SLC35D4: variants seen among roughly 807,000 people sequenced by gnomAD.
SLC35D4 encodes the protein solute carrier family 35 member D4, also known as UDP-N-acetylglucosamine transporter SLC35D4.
the SLC35D4 span, chr18:23,296,935 G>A: frequency 6.6e-6 from 1 of 152,038 alleles, no homozygotes; most frequent in Non-Finnish European, 1.5e-5. Context: ...TTAGAGGCAG[G>A]AAATAAATAG....
At chr18:23,436,255 T>C in the SLC35D4 span, among the ~76,000 whole-genome samples, 1 of 151,864 alleles carries the variant, frequency 6.6e-6, no homozygotes, top group African/African-American at 2.4e-5. Context: ...TTCGAACTCC[T>C]GGCCTCAAAC....
the SLC35D4 span, among the ~76,000 whole-genome samples, chr18:23,387,100 C>T: frequency 1.3e-5 from 2 of 152,046 alleles, no homozygotes; most frequent in Non-Finnish European, 2.9e-5. Flanking sequence ...TTAGTAGAAT[C>T]GGGGTTTCAC....
At chr18:23,256,589 T>C in the SLC35D4 span, among the ~76,000 whole-genome samples, 1 of 152,128 alleles carries the variant, frequency 6.6e-6, no homozygotes, top group Non-Finnish European at 1.5e-5. Context: ...CAAGTGAGTC[T>C]CCTGCTTCAA....
chr18:23,391,584 C>T, the SLC35D4 span, among the ~76,000 whole-genome samples: 1 of 152,224 alleles, frequency 6.6e-6, no homozygotes, highest in Non-Finnish European at 1.5e-5. Flanking sequence ...AACTCCTGGG[C>T]TCAAGTGATC....
the SLC35D4 span, among the ~76,000 whole-genome samples, chr18:23,315,211 T>A: frequency 4.6e-5 from 7 of 152,126 alleles, no homozygotes; most frequent in Admixed American, 2.0e-4. Flanking sequence ...TTTAAAGGGG[T>A]TGCAATTTTT....
the SLC35D4 span, chr18:23,297,800 G>A: frequency 1.8e-6 from 1 of 554,752 alleles, no homozygotes; most frequent in South Asian, 2.0e-5. Context: ...CAGAAAGGGT[G>A]CTCCTTGAAG....
the SLC35D4 span, among the ~76,000 whole-genome samples, chr18:23,427,003 A>G: frequency 6.6e-6 from 1 of 152,240 alleles, no homozygotes; most frequent in African/African-American, 2.4e-5. Flanking sequence ...CTTACAACTT[A>G]TACAAAAATT....
the SLC35D4 span, among the ~76,000 whole-genome samples, chr18:23,370,531 TGAA>T: frequency 1.3e-5 from 2 of 152,202 alleles, no homozygotes; most frequent in Admixed American, 1.3e-4. Context: ...ATCATGATTA[TGAA>T]GGACACAATT....
the SLC35D4 span, among the ~76,000 whole-genome samples, chr18:23,250,346 G>A: frequency 6.6e-6 from 1 of 152,146 alleles, no homozygotes; most frequent in Non-Finnish European, 1.5e-5. Context: ...TGGATTGGGG[G>A]GTGAGGGGTT....
At chr18:23,394,681 C>T in the SLC35D4 span, among the ~76,000 whole-genome samples, 667 of 152,118 alleles carry the variant, frequency 4.4e-3, 1 homozygote, top group African/African-American at 0.015. Context: ...TAATAATAAG[C>T]CATTTTATGG....
chr18:23,335,182 GCCA>G, the SLC35D4 span, among the ~76,000 whole-genome samples: 228 of 152,186 alleles, frequency 1.5e-3, no homozygotes, highest in Non-Finnish European at 2.1e-3. Context: ...CGGGTACCAG[GCCA>G]CCAAGATGTC....
chr18:23,379,125 C>CTTTT, the SLC35D4 span, among the ~76,000 whole-genome samples: 2 of 139,378 alleles, frequency 1.4e-5, no homozygotes, highest in African/African-American at 2.6e-5. Flanking sequence ...CTCAAAAATT[C>CTTTT]TTTTTTTTTT....
chr18:23,280,220 C>A, the SLC35D4 span, among the ~76,000 whole-genome samples: 1 of 152,260 alleles, frequency 6.6e-6, no homozygotes. Flanking sequence ...GTGCGCGCAG[C>A]CGACTGCACA....
chr18:23,307,633 G>A, the SLC35D4 span, among the ~76,000 whole-genome samples: 1 of 152,256 alleles, frequency 6.6e-6, no homozygotes, highest in Non-Finnish European at 1.5e-5. Context: ...AGCGGAGGGC[G>A]AGCCCGGGGC....
At chr18:23,369,119 A>G in the SLC35D4 span, among the ~76,000 whole-genome samples, 1 of 152,250 alleles carries the variant, frequency 6.6e-6, no homozygotes, top group African/African-American at 2.4e-5. Flanking sequence ...TATGTTCCAA[A>G]TATTACAAAA....
chr18:23,348,712 A>G, the SLC35D4 span, among the ~76,000 whole-genome samples: 16 of 152,070 alleles, frequency 1.1e-4, no homozygotes, highest in Non-Finnish European at 2.2e-4. Context: ...CTTCCAGCCT[A>G]CTTGTGTCTT....
chr18:23,383,605 G>A, the SLC35D4 span, among the ~76,000 whole-genome samples: 4 of 152,100 alleles, frequency 2.6e-5, no homozygotes, highest in African/African-American at 4.8e-5. Context: ...TGGCATGGGA[G>A]GGGAGAGAAG....
chr18:23,317,154 T>TACACAC, the SLC35D4 span, among the ~76,000 whole-genome samples: 1,030 of 149,900 alleles, frequency 6.9e-3, 4 homozygotes, highest in Non-Finnish European at 0.01. Context: ...TGGGAGAAGT[T>TACACAC]ACACACACAC....
At chr18:23,245,921 C>T in the SLC35D4 span, among the ~76,000 whole-genome samples, 1 of 152,250 alleles carries the variant, frequency 6.6e-6, no homozygotes, top group Non-Finnish European at 1.5e-5. Flanking sequence ...CTGCGGGCCA[C>T]AAGGAGCCCT....
Sources: gnomAD v4.1 joint callset for allele counts (sites outside exome capture counted in the v4.1 genomes callset) on GRCh38, gnomAD v4.1.1 for gene constraint, MANE v1.5 for transcripts, NCBI Gene and HGNC (gene_info 2026-07-23, HGNC 2026-07-21) for gene names.